Variants in CDKN2B-AS1 observed in about 807,000 individuals in gnomAD.
CDKN2B-AS1 encodes the protein CDKN2B antisense RNA 1 (non-protein coding).
intron 4 of CDKN2B-AS1, among the ~76,000 whole-genome samples, chr9:22,063,784 A>G (rs1199684039): frequency 6.6e-6 from 1 of 152,220 alleles, no homozygotes; most frequent in East Asian, 1.9e-4. Flanking sequence ...TGGAGGACTC[A>G]AAGAGTTTGG....
intron 4 of CDKN2B-AS1, among the ~76,000 whole-genome samples, chr9:22,114,120 G>A (rs1825875134): frequency 6.6e-6 from 1 of 152,110 alleles, no homozygotes; most frequent in Admixed American, 6.6e-5. Flanking sequence ...TGTAGCATCA[G>A]GTATGCAAAT....
intron 4 of CDKN2B-AS1, among the ~76,000 whole-genome samples, chr9:22,070,632 C>T (rs1026280683): frequency 1.3e-5 from 2 of 152,092 alleles, no homozygotes; most frequent in Non-Finnish European, 2.9e-5. Flanking sequence ...TGACATATGA[C>T]AACATTGTAC....
rs538524939 is a variant in CDKN2B-AS1, at chr9:22,049,760, A to C, written n.302+532A>C. Reference sequence around the variant, plus strand: ...TTTATACACTTAAGGCATCATGTATAGTATTGTTAAATAGATACTTTACAA... The same window carrying C: ...TTTATACACTTAAGGCATCATGTATCGTATTGTTAAATAGATACTTTACAA... On this transcript the variant is annotated intron_variant and non_coding_transcript_variant, in intron 3 of 4. Coordinates refer to ENST00000650946, the Ensembl canonical transcript of CDKN2B-AS1. 2.6e-5 allele frequency among the ~76,000 whole-genome samples: 4 copies of C among 152,354 alleles called. No homozygotes were observed. The South Asian group carries it at 8.3e-4, about 32-fold the overall frequency.
chr9:22,125,999 C>G (rs1453365465), intron 4 of CDKN2B-AS1, among the ~76,000 whole-genome samples: 3 of 152,094 alleles, frequency 2.0e-5, no homozygotes, highest in African/African-American at 7.2e-5. Flanking sequence ...ACAGTTGATC[C>G]TTGAATAATG....
At chr9:22,104,081 G>A (rs1825578042) in intron 4 of CDKN2B-AS1, among the ~76,000 whole-genome samples, 1 of 152,056 alleles carries the variant, frequency 6.6e-6, no homozygotes. Context: ...TTTTCATTAA[G>A]CAGATATTAC....
At chr9:22,121,452 C>T (rs72654282) in intron 4 of CDKN2B-AS1, among the ~76,000 whole-genome samples, 11 of 151,962 alleles carry the variant, frequency 7.2e-5, no homozygotes, top group African/African-American at 2.2e-4. Context: ...CAGGGTAATT[C>T]GCATACCCAG....
At chr9:22,121,578 A>G (rs931515393) in intron 4 of CDKN2B-AS1, among the ~76,000 whole-genome samples, 13 of 152,004 alleles carry the variant, frequency 8.6e-5, no homozygotes, top group African/African-American at 2.9e-4. Flanking sequence ...CCTAGCTTCT[A>G]GTATCCTCTG....
At chr9:22,126,171 G>A (rs1416718547) in intron 4 of CDKN2B-AS1, among the ~76,000 whole-genome samples, 16 of 152,138 alleles carry the variant, frequency 1.1e-4, no homozygotes, top group Admixed American at 9.2e-4. Flanking sequence ...CTGTCTCAAG[G>A]GTGGCAAAGG....
intron 1 of CDKN2B-AS1, among the ~76,000 whole-genome samples, chr9:22,040,233 T>C (rs1424493812): frequency 1.3e-5 from 2 of 152,082 alleles, no homozygotes; most frequent in East Asian, 1.9e-4. Flanking sequence ...CCTGTGATCA[T>C]GTATTATCTT....
chr9:22,073,988 C>T (rs1243589824), intron 4 of CDKN2B-AS1, among the ~76,000 whole-genome samples: 1 of 151,864 alleles, frequency 6.6e-6, no homozygotes, highest in South Asian at 2.1e-4. Context: ...CTCAGCCTCC[C>T]TAGTAGTTTG....
At chr9:22,112,835 A>G (rs1161725275) in intron 4 of CDKN2B-AS1, among the ~76,000 whole-genome samples, 1 of 152,136 alleles carries the variant, frequency 6.6e-6, no homozygotes, top group African/African-American at 2.4e-5. Context: ...AAAATGAGTA[A>G]AAGTCCACAA....
chr9:22,064,104 T>C (rs978019146), intron 4 of CDKN2B-AS1: 1 of 152,198 alleles, frequency 6.6e-6, no homozygotes, highest in African/African-American at 2.4e-5. Flanking sequence ...TAGGAACAGA[T>C]TGAGGGTGTT....
At position 22,094,985 on chromosome 9, in the gene CDKN2B-AS1, G is replaced by A. The variant is rs549931928; in HGVS notation, n.439-32118G>A. Among the ~76,000 whole-genome samples, 17 of 144,742 alleles carry A rather than the reference G, an allele frequency of 1.2e-4. 1 individual carries two copies. In the South Asian group the frequency reaches 3.2e-3, roughly 27 times the overall value. The allele number at this position is 144,742 out of a possible 152,430, so 95.0% of individuals were successfully genotyped here. A position where few individuals can be genotyped will look rare whatever the true frequency, so the allele number is the denominator to read the frequency against. ...TTGATGATGGTGACGTACAGATGGG[G>A]TTTTGGTGTGGATGTCCTTTCTGTT... On this transcript the variant is annotated intron_variant and non_coding_transcript_variant, in intron 4 of 4. Coordinates refer to ENST00000650946, the Ensembl canonical transcript of CDKN2B-AS1.
chr9:22,069,831 G>C (rs1199874328), intron 4 of CDKN2B-AS1, among the ~76,000 whole-genome samples: 1 of 151,890 alleles, frequency 6.6e-6, no homozygotes, highest in South Asian at 2.1e-4. Context: ...CTTCCTTCTT[G>C]CTTCCCCAGT....
chr9:22,027,488 T>A (rs1457895627), intron 1 of CDKN2B-AS1, among the ~76,000 whole-genome samples: 1 of 152,206 alleles, frequency 6.6e-6, no homozygotes, highest in Non-Finnish European at 1.5e-5. Context: ...AAAATTTTTC[T>A]CTCTATTCAT....
intron 1 of CDKN2B-AS1, among the ~76,000 whole-genome samples, chr9:21,998,001 T>C (rs1467067332): frequency 1.3e-5 from 2 of 152,188 alleles, no homozygotes; most frequent in African/African-American, 4.8e-5. Flanking sequence ...ATAAGGGTAA[T>C]TGCTTATTTC....
At chr9:22,043,519 C>A (rs1234323032) in intron 1 of CDKN2B-AS1, among the ~76,000 whole-genome samples, 2 of 151,812 alleles carry the variant, frequency 1.3e-5, no homozygotes, top group Non-Finnish European at 2.9e-5. Flanking sequence ...GACTATGTGT[C>A]CTCAGGAATT....
chr9:22,060,932 C>T (rs1300443166), intron 4 of CDKN2B-AS1, among the ~76,000 whole-genome samples: 2 of 152,240 alleles, frequency 1.3e-5, no homozygotes, highest in South Asian at 2.1e-4. Flanking sequence ...TTACCTCACC[C>T]TGGATACCTC....
intron 1 of CDKN2B-AS1, among the ~76,000 whole-genome samples, chr9:22,020,315 G>T (rs559739113): frequency 7.9e-4 from 120 of 152,128 alleles, no homozygotes; most frequent in African/African-American, 2.7e-3. Context: ...TTTGGCTATT[G>T]TGAATACTAT....
Sources: gnomAD v4.1 joint callset for allele counts (sites outside exome capture counted in the v4.1 genomes callset) on GRCh38, gnomAD v4.1.1 for gene constraint, MANE v1.5 for transcripts, NCBI Gene and HGNC (gene_info 2026-07-23, HGNC 2026-07-21) for gene names.